CPNE8: variants seen among roughly 807,000 people sequenced by gnomAD.
CPNE8 encodes the protein copine-8.
A neutral mutation model predicts 81.5 loss-of-function variants in CPNE8; 45 were observed. That is an observed-to-expected ratio of 0.55 (90% CI 0.44 to 0.71). CPNE8 has a LOEUF of 0.71. Ranked by LOEUF, CPNE8 falls within the 30% of genes least tolerant of loss-of-function variation. CPNE8 has a pLI of 0.00. For synonymous variants in CPNE8, 252 were observed against 226.3 expected (o/e 1.11, Z -1.02); for missense variants, 594 against 672.1 (o/e 0.88, Z 1.28).
chr12:38,821,999 A>T (rs1261270982), intron 6 of CPNE8, among the ~76,000 whole-genome samples: 1 of 152,194 alleles, frequency 6.6e-6, no homozygotes, highest in Non-Finnish European at 1.5e-5. Context: ...AGGCTTTCCC[A>T]GAAGTAGATT....
At chr12:38,790,936 A>C (rs1193667201) in intron 6 of CPNE8, among the ~76,000 whole-genome samples, 3 of 151,574 alleles carry the variant, frequency 2.0e-5, no homozygotes, top group African/African-American at 7.3e-5. Flanking sequence ...TATATCTGCC[A>C]CTGCTTTAGC....
At chr12:38,836,365 G>A (rs1290711875) in intron 5 of CPNE8, among the ~76,000 whole-genome samples, 2 of 151,934 alleles carry the variant, frequency 1.3e-5, no homozygotes, top group South Asian at 2.1e-4. Context: ...GATCATTTAC[G>A]TCTTATGTCA....
At chr12:38,785,454 G>C (rs1487461671) in intron 6 of CPNE8, among the ~76,000 whole-genome samples, 1 of 152,134 alleles carries the variant, frequency 6.6e-6, no homozygotes, top group Non-Finnish European at 1.5e-5. Flanking sequence ...GAGGGACCTG[G>C]TGGGAGGTAA....
intron 6 of CPNE8, among the ~76,000 whole-genome samples, chr12:38,792,600 C>T (rs536787279): frequency 6.6e-6 from 1 of 151,556 alleles, no homozygotes; most frequent in African/African-American, 2.4e-5. Context: ...AACCTCACAA[C>T]AAAATTAAAG....
At chr12:38,683,145 T>C (rs1339073003) in intron 16 of CPNE8, among the ~76,000 whole-genome samples, 1 of 152,172 alleles carries the variant, frequency 6.6e-6, no homozygotes, top group Non-Finnish European at 1.5e-5. Flanking sequence ...CAGAGATACA[T>C]AGATATGAAT....
intron 10 of CPNE8, among the ~76,000 whole-genome samples, chr12:38,756,649 A>G (rs1377631260): frequency 6.6e-6 from 1 of 152,226 alleles, no homozygotes; most frequent in African/African-American, 2.4e-5. Flanking sequence ...GAGTAAATTT[A>G]CATACAAAAT....
intron 3 of CPNE8, among the ~76,000 whole-genome samples, chr12:38,870,595 G>T (rs1396435564): frequency 6.6e-6 from 1 of 152,110 alleles, no homozygotes; most frequent in Non-Finnish European, 1.5e-5. Flanking sequence ...TAAACAATGA[G>T]AACACATGGA....
At chr12:38,693,904 T>A in intron 14 of CPNE8, 66 bp from the exon 15 acceptor site, 1 of 1,317,800 alleles carries the variant, frequency 7.6e-7, no homozygotes, top group Non-Finnish European at 1.0e-6. Flanking sequence ...AAATTTTTCT[T>A]GGTGTCTATT....
intron 6 of CPNE8, among the ~76,000 whole-genome samples, chr12:38,779,977 G>C (rs1213184718): frequency 6.6e-6 from 1 of 152,074 alleles, no homozygotes; most frequent in African/African-American, 2.4e-5. Context: ...AATCCAAGCT[G>C]TCATTGCCAG....
intron 7 of CPNE8, among the ~76,000 whole-genome samples, chr12:38,771,808 C>T (rs1485086971): frequency 2.0e-5 from 3 of 152,062 alleles, no homozygotes; most frequent in Non-Finnish European, 4.4e-5. Context: ...CAAAAATACA[C>T]GTGGGACTGC....
At position 38,726,961 on chromosome 12, in the gene CPNE8, C is replaced by T. The variant is rs573095337; in HGVS notation, c.799-2062G>A. ...CCATTTCAATTGCCAATAATACATC[C>T]GATGTAACAATAATAAAGTTATGTA... On this transcript the variant is annotated intron_variant, in intron 11 of 19. Coordinates refer to ENST00000331366, the MANE Select transcript of CPNE8 (RefSeq NM_153634.3). Among the ~76,000 whole-genome samples the T allele has an allele frequency of 2.6e-5, 4 of 152,104 alleles. No homozygotes were observed. The South Asian group carries it at 6.2e-4, about 24-fold the overall frequency.
intron 1 of CPNE8, among the ~76,000 whole-genome samples, chr12:38,880,765 C>G (rs1944140983): frequency 6.6e-6 from 1 of 152,100 alleles, no homozygotes; most frequent in Non-Finnish European, 1.5e-5. Flanking sequence ...ATGTTTAATT[C>G]TCTCTGATTC....
At chr12:38,785,054 G>A (rs1238059313) in intron 6 of CPNE8, among the ~76,000 whole-genome samples, 1 of 152,052 alleles carries the variant, frequency 6.6e-6, no homozygotes, top group Admixed American at 6.6e-5. Flanking sequence ...AATTAGCTGG[G>A]TGCGATGGCA....
At chr12:38,889,180 G>A (rs1944276016) in intron 1 of CPNE8, among the ~76,000 whole-genome samples, 1 of 150,260 alleles carries the variant, frequency 6.7e-6, no homozygotes, top group Non-Finnish European at 1.5e-5. Context: ...TTGGGCTCCA[G>A]GCCCTAGATT....
intron 16 of CPNE8, among the ~76,000 whole-genome samples, chr12:38,679,343 C>T (rs1939361222): frequency 6.6e-6 from 1 of 151,818 alleles, no homozygotes; most frequent in Non-Finnish European, 1.5e-5. Flanking sequence ...AATATATTCA[C>T]ACTATAAGAG....
At chr12:38,892,514 T>G (rs75057452) in intron 1 of CPNE8, among the ~76,000 whole-genome samples, 2,283 of 152,238 alleles carry the variant, frequency 0.015, 72 homozygotes, top group African/African-American at 0.052. Flanking sequence ...AATAAACAAG[T>G]CTTGGTGACT....
At position 38,891,727 on chromosome 12, in the gene CPNE8, G is replaced by A. The variant is rs138682620; in HGVS notation, c.98+13710C>T. On this transcript the variant is annotated intron_variant, in intron 1 of 19. Coordinates refer to ENST00000331366, the MANE Select transcript of CPNE8 (RefSeq NM_153634.3). ...CTCCCAAAGTGCTGGGATTACAGGC[G>A]TGAGCCACCACAACCAGCCAATATA... Among the ~76,000 whole-genome samples, 214 of 152,288 alleles carry A rather than the reference G, an allele frequency of 1.4e-3. 5 individuals are homozygous for A. The highest frequency in any genetic ancestry group is 0.012 in the Admixed American group (185 of 15,290).
intron 6 of CPNE8, among the ~76,000 whole-genome samples, chr12:38,796,922 G>A (rs111610156): frequency 1.1e-4 from 17 of 152,176 alleles, no homozygotes; most frequent in Middle Eastern, 3.4e-3. Context: ...AGGGTCCTAC[G>A]TCCATGGAGT....
At chr12:38,709,112 C>T (rs527694209) in intron 13 of CPNE8, among the ~76,000 whole-genome samples, 1 of 152,304 alleles carries the variant, frequency 6.6e-6, no homozygotes, top group East Asian at 1.9e-4. Context: ...GGTACCAGGA[C>T]TATGCTTCTG....
Sources: gnomAD v4.1 joint callset for allele counts (sites outside exome capture counted in the v4.1 genomes callset) on GRCh38, gnomAD v4.1.1 for gene constraint, MANE v1.5 for transcripts, NCBI Gene and HGNC (gene_info 2026-07-23, HGNC 2026-07-21) for gene names.